Variants in FBLIM1 observed in about 807,000 individuals in gnomAD.
FBLIM1 encodes the protein filamin binding LIM protein 1.
Under a neutral mutation model 37.4 loss-of-function variants are expected in FBLIM1, and 29 were observed. That is an observed-to-expected ratio of 0.77 (90% CI 0.58 to 1.06). The LOEUF (loss-of-function observed/expected upper bound fraction) is 1.06, where lower values mean the gene tolerates loss of function less well. Ranked by LOEUF, FBLIM1 falls within the 50% of genes least tolerant of loss-of-function variation. FBLIM1 has a pLI of 0.00. For missense variants in FBLIM1, 449 were observed against 505.6 expected (o/e 0.89, Z 1.07); for synonymous variants, 193 against 199.0 (o/e 0.97, Z 0.25).
intron 8 of FBLIM1, among the ~76,000 whole-genome samples, chr1:15,777,611 G>A (rs1460843388): frequency 2.5e-5 from 3 of 118,822 alleles, no homozygotes; most frequent in Non-Finnish European, 5.0e-5. Context: ...TCTTACTCTT[G>A]TTGCCAGGCT....
At chr1:15,776,523 T>A (rs2069492718) in intron 7 of FBLIM1, among the ~76,000 whole-genome samples, 1 of 151,970 alleles carries the variant, frequency 6.6e-6, no homozygotes. Context: ...TCCCTGCCCA[T>A]GAGTTGCTCA....
At chr1:15,763,575 G>A (rs554859626) in intron 1 of FBLIM1, among the ~76,000 whole-genome samples, 1 of 151,310 alleles carries the variant, frequency 6.6e-6, no homozygotes, top group Non-Finnish European at 1.5e-5. Context: ...AGTGGAGCTT[G>A]CAGTGAGCCA....
intron 8 of FBLIM1, among the ~76,000 whole-genome samples, chr1:15,777,746 T>C (rs890606697): frequency 1.3e-5 from 2 of 152,002 alleles, no homozygotes; most frequent in East Asian, 3.9e-4. Context: ...CTAATTTTTG[T>C]ATTTTTAGTA....
intron 3 of FBLIM1, 115 bp from the exon 4 acceptor site, chr1:15,767,260 CG>C: frequency 1.1e-6 from 1 of 869,678 alleles, no homozygotes; most frequent in Non-Finnish European, 1.7e-6. Context: ...GAACCCAGGC[CG>C]GGGTGATCCC....
upstream of FBLIM1, chr1:15,757,907 G>A (rs2068484014): frequency 6.6e-6 from 1 of 152,250 alleles, no homozygotes; most frequent in Non-Finnish European, 1.5e-5. The surrounding 1 kb of genome is among the most constrained non-coding windows in gnomAD (Gnocchi z 4.1). Context: ...GGGAGGGGGA[G>A]GGTCACTGGA....
intron 8 of FBLIM1, among the ~76,000 whole-genome samples, chr1:15,782,389 C>A (rs1455454872): frequency 7.7e-5 from 11 of 143,372 alleles, no homozygotes; most frequent in Non-Finnish European, 6.0e-5. Context: ...GCCTGGGTGA[C>A]AGAGTGAGAC....
chr1:15,772,726 G>A (rs1438892641), intron 6 of FBLIM1, among the ~76,000 whole-genome samples: 2 of 152,090 alleles, frequency 1.3e-5, no homozygotes, highest in East Asian at 3.9e-4. Context: ...GGCTGAGGTG[G>A]GAGGATTACT....
Position 15,765,051 on chromosome 1 carries a change from A to G in FBLIM1, c.68A>G (p.Asp23Gly), listed in dbSNP as rs1252469026. Residue 23 changes from aspartate (D) to glycine (G), a missense_variant, in exon 3 of 9, where the codon GAT (aspartate) becomes GGT (glycine). Coordinates refer to ENST00000375766, the MANE Select transcript of FBLIM1 (RefSeq NM_017556.4). This position sits in a 1 kb window ranked among gnomAD's most constrained non-coding sequence, Gnocchi z 5.9. ...ATCACCCTGGCACCCCCGCGCCGCG[A>G]TGTGGCCGTGGCGGAGGAAGTGAGG... is the stretch of plus-strand genomic sequence containing the variant. Reference protein sequence around the residue: ...VFITLAPPRRDVAVAEEVRQA... With the variant: ...VFITLAPPRRGVAVAEEVRQA... The G allele has an allele frequency of 6.2e-7, 1 of 1,613,852 alleles. No homozygotes were observed. The highest frequency in any genetic ancestry group is 1.3e-5 in the African/African-American group (1 of 74,868).
At chr1:15,771,688 G>T (rs1394842785) in intron 6 of FBLIM1, among the ~76,000 whole-genome samples, 1 of 151,948 alleles carries the variant, frequency 6.6e-6, no homozygotes, top group East Asian at 1.9e-4. Context: ...GACCCACCTG[G>T]ATAATCAGGA....
chr1:15,761,917 T>G (rs775166993), intron 1 of FBLIM1, among the ~76,000 whole-genome samples: 2 of 152,086 alleles, frequency 1.3e-5, no homozygotes, highest in Non-Finnish European at 2.9e-5. Context: ...AGGCATTGGG[T>G]GCCTGCTGAG....
upstream of FBLIM1, chr1:15,758,603 G>C (rs1338171865): frequency 6.6e-6 from 1 of 152,274 alleles, no homozygotes; most frequent in African/African-American, 2.4e-5. This position sits in a 1 kb window ranked among gnomAD's most constrained non-coding sequence, Gnocchi z 6.2. Context: ...AAGGGAGGGG[G>C]AAGGGGCGGC....
chr1:15,784,646 T>G lies in FBLIM1; in HGVS notation c.1107T>G (p.Ala369=), dbSNP rs535751108. The G allele has an allele frequency of 6.2e-7, 1 of 1,614,096 alleles. No individual in the cohort carries two copies. Among genetic ancestry groups the G allele is most frequent in the African/African-American group, 1.3e-5 (1 of 75,072 alleles). ...FCKPCHVKRS[A]AGCC ...AGCCATGCCATGTGAAGCGGAGTGC[T>G]GCGGGGTGCTGCTGAGAGTGCCCGC... Residue 369 remains alanine, a synonymous_variant, in exon 9 of 9, where the codon GCT becomes GCG. Coordinates refer to ENST00000375766, the MANE Select transcript of FBLIM1 (RefSeq NM_017556.4).
rs1424569615 is a variant in FBLIM1, at chr1:15,758,838, G to A, written c.-221G>A. On this transcript the variant is annotated 5_prime_UTR_variant, in exon 1 of 9. Transcript: ENST00000375766. This position sits in a 1 kb window ranked among gnomAD's most constrained non-coding sequence, Gnocchi z 6.2. ...CGTCGGATCGGAGCCGCCGGGGCGC[G>A]GGCGGCCCAGGTAAGCGGGCCGGGT... is the stretch of plus-strand genomic sequence containing the variant. The A allele has an allele frequency of 6.6e-6, 1 of 150,992 alleles. No homozygotes were observed. Among genetic ancestry groups the A allele is most frequent in the Non-Finnish European group, 1.5e-5 (1 of 67,396 alleles). The allele number at this position is 150,992 out of a possible 1,614,324, so 9.4% of individuals were successfully genotyped here. A position where few individuals can be genotyped will look rare whatever the true frequency, so the allele number is the denominator to read the frequency against.
intron 8 of FBLIM1, among the ~76,000 whole-genome samples, chr1:15,782,339 T>TGGA (rs2069664569): frequency 6.8e-6 from 1 of 147,634 alleles, no homozygotes; most frequent in Non-Finnish European, 1.5e-5. Flanking sequence ...GCCTGACAGG[T>TGGA]GGAGGCTGCA....
chr1:15,770,264 C>A, intron 5 of FBLIM1, 145 bp from the exon 6 acceptor site: 1 of 814,450 alleles, frequency 1.2e-6, no homozygotes, highest in Non-Finnish European at 1.8e-6. Flanking sequence ...CTTTTTAATG[C>A]TCCTCATGAC....
At chr1:15,784,435 G>A in intron 8 of FBLIM1, 113 bp from the exon 9 acceptor site, 1 of 780,160 alleles carries the variant, frequency 1.3e-6, no homozygotes, top group Non-Finnish European at 2.1e-6. Flanking sequence ...TCCCACTTAG[G>A]AAGGGCATCC....
intron 8 of FBLIM1, among the ~76,000 whole-genome samples, chr1:15,778,621 C>T (rs953718387): frequency 2.1e-5 from 3 of 143,138 alleles, no homozygotes; most frequent in African/African-American, 7.9e-5. Flanking sequence ...CCTGAAGAAT[C>T]AGAGGAAGTG....
In FBLIM1 at chr1:15,784,608, C is replaced by T. The variant is rs373719093; in HGVS notation, c.1069C>T (p.His357Tyr). ...TDQGCYPLNN[H>Y]LFCKPCHVKR... ...CCAAGGCTGCTACCCCCTGAACAAC[C>T]ATCTCTTCTGCAAGCCATGCCATGT... Residue 357 changes from histidine to tyrosine, a missense_variant, in exon 9 of 9, where the codon CAT (histidine) becomes TAT (tyrosine). Coordinates refer to ENST00000375766, the MANE Select transcript of FBLIM1 (RefSeq NM_017556.4). 6.2e-6 allele frequency: 10 copies of T among 1,614,056 alleles called. No homozygotes were observed. The Admixed American group carries it at 8.3e-5, about 13-fold the overall frequency.
intron 1 of FBLIM1, among the ~76,000 whole-genome samples, chr1:15,760,679 C>T (rs1466544394): frequency 6.6e-6 from 1 of 152,022 alleles, no homozygotes; most frequent in Non-Finnish European, 1.5e-5. Context: ...CCCAAGGCTG[C>T]AGCCTCTAGC....
Sources: allele counts gnomAD v4.1 joint callset (sites outside exome capture counted in the v4.1 genomes callset), GRCh38; gene constraint gnomAD v4.1.1; non-coding constraint Gnocchi (gnomAD v3.1); transcripts MANE v1.5; gene names NCBI Gene and HGNC (gene_info 2026-07-23, HGNC 2026-07-21).